The following TEAD4 variants were observed in gnomAD, a reference collection of about 807,000 sequenced individuals.
The protein encoded by TEAD4 is TEA domain transcription factor 4, also known as transcriptional enhancer factor TEF-3.
A neutral mutation model predicts 52.4 loss-of-function variants in TEAD4; 36 were observed. The observed-to-expected ratio is 0.69, with a 90% CI of 0.53 to 0.91. The LOEUF (loss-of-function observed/expected upper bound fraction) is 0.91. Ranked by LOEUF, TEAD4 falls within the 40% of genes least tolerant of loss-of-function variation. The pLI is 0.00. For missense variants in TEAD4, 508 were observed against 583.9 expected (o/e 0.87, Z 1.34); for synonymous variants, 220 against 231.0 (o/e 0.95, Z 0.43).
At chr12:2,988,409 C>T (rs1240457939) in intron 2 of TEAD4, among the ~76,000 whole-genome samples, 1 of 150,086 alleles carries the variant, frequency 6.7e-6, no homozygotes, top group African/African-American at 2.5e-5. Context: ...ATCCCAGCTA[C>T]TTGGGAGGCT....
At chr12:2,999,349 CG>C (rs1046815305) in intron 3 of TEAD4, among the ~76,000 whole-genome samples, 1 of 152,134 alleles carries the variant, frequency 6.6e-6, no homozygotes, top group Non-Finnish European at 1.5e-5. Flanking sequence ...TGGGCCGGCC[CG>C]GTGGGGTATG....
intron 10 of TEAD4, among the ~76,000 whole-genome samples, chr12:3,023,791 A>AAAAG (rs2098270308): frequency 9.2e-5 from 1 of 10,814 alleles, no homozygotes; most frequent in African/African-American, 1.0e-4. Flanking sequence ...AGACTGTCTC[A>AAAAG]AAAAAAAAAA....
chr12:3,031,274 C>T lies in TEAD4; in HGVS notation c.898-6694C>T, dbSNP rs375057886. ...CTGTCCAGGCTCAGCCCTGACTCAG[C>T]GGAAGGAGCTTAGGCGAGCTGATCT... On this transcript the variant is annotated intron_variant, in intron 10 of 12. Coordinates refer to ENST00000359864, the MANE Select transcript of TEAD4 (RefSeq NM_003213.4). 5.3e-5 allele frequency among the ~76,000 whole-genome samples: 8 copies of T among 152,260 alleles called. No individual in the cohort carries two copies. In the East Asian group the frequency reaches 5.8e-4, roughly 11 times the overall value.
chr12:3,024,712 A>G (rs2098270969), intron 10 of TEAD4, among the ~76,000 whole-genome samples: 1 of 152,152 alleles, frequency 6.6e-6, no homozygotes, highest in South Asian at 2.1e-4. Flanking sequence ...GGGTATTATG[A>G]TTACATTTTT....
intron 3 of TEAD4, among the ~76,000 whole-genome samples, chr12:3,009,589 G>T (rs779276124): frequency 2.6e-5 from 4 of 152,206 alleles, no homozygotes; most frequent in African/African-American, 9.6e-5. Flanking sequence ...TTCACCCACC[G>T]GTGATGACTT....
intron 2 of TEAD4, among the ~76,000 whole-genome samples, chr12:2,970,961 C>T (rs1434030770): frequency 6.6e-6 from 1 of 152,226 alleles, no homozygotes; most frequent in Non-Finnish European, 1.5e-5. Context: ...CAGTGCCTCC[C>T]ATACCTCCTC....
In TEAD4 at chr12:2,973,627, C is replaced by G. The variant is rs575801773; in HGVS notation, c.-30+13587C>G. ...GAGTCACGGGGCCTTCCAAGAAGCT[C>G]TGTTCCTGGCGTAGAGCATGGTTCA... On this transcript the variant is annotated intron_variant, in intron 2 of 12. Transcript: ENST00000359864. Among the ~76,000 whole-genome samples the G allele has an allele frequency of 3.3e-5, 5 of 152,298 alleles. No homozygotes were observed. In the South Asian group the frequency reaches 6.2e-4, roughly 19 times the overall value.
intron 10 of TEAD4, among the ~76,000 whole-genome samples, chr12:3,026,616 G>A (rs547458921): frequency 5.3e-5 from 8 of 152,340 alleles, no homozygotes; most frequent in South Asian, 2.1e-4. Flanking sequence ...GCATCTTGCC[G>A]TAAGGAACCC....
In TEAD4 at chr12:3,038,025, C is replaced by T; in HGVS notation, c.955C>T (p.Gln319Ter). 6.2e-7 allele frequency: 1 copy of T among 1,614,180 alleles called. No individual in the cohort carries two copies. Among genetic ancestry groups the T allele is most frequent in the Non-Finnish European group, 8.5e-7 (1 of 1,180,004 alleles). The change falls in exon 11 of 13, where the codon CAG (glutamine) becomes TAG (stop). Residue 319 changes from glutamine (Q) to a stop codon, truncating the protein, a stop_gained. Transcript: ENST00000359864. LOFTEE classifies it high-confidence loss of function. The stretch of plus-strand genomic sequence containing the variant: ...CAGCTCCTTCTATGGGGTCTCCAGC[C>T]AGTATGAGAGCCCCGAGAACATGAT...
chr12:2,962,254 G>A (rs1323871458), intron 2 of TEAD4, among the ~76,000 whole-genome samples: 2 of 119,496 alleles, frequency 1.7e-5, no homozygotes, highest in Admixed American at 8.9e-5. Context: ...CCTCCCGGCC[G>A]GCTAGTTTCA....
At chr12:3,023,621 AC>A (rs2098270136) in intron 10 of TEAD4, among the ~76,000 whole-genome samples, 1 of 149,646 alleles carries the variant, frequency 6.7e-6, no homozygotes, top group African/African-American at 2.5e-5. Context: ...CCCTATCTCT[AC>A]TTAAAAAAAA....
At chr12:3,005,172 T>C (rs543462538) in intron 3 of TEAD4, among the ~76,000 whole-genome samples, 5 of 152,356 alleles carry the variant, frequency 3.3e-5, no homozygotes, top group African/African-American at 1.2e-4. Context: ...ACAGTGGTGC[T>C]CACAGCAGCA....
chr12:2,968,384 C>CTTTT, intron 2 of TEAD4, among the ~76,000 whole-genome samples: 1 of 86,332 alleles, frequency 1.2e-5, no homozygotes, highest in African/African-American at 5.5e-5. Context: ...CCGCGCCCGG[C>CTTTT]CTTTTTTTTT....
chr12:2,986,721 A>G (rs1040634754), intron 2 of TEAD4, among the ~76,000 whole-genome samples: 6 of 152,194 alleles, frequency 3.9e-5, no homozygotes, highest in Non-Finnish European at 1.5e-5. Context: ...ATAGTTAACC[A>G]GTAACACAGT....
At chr12:3,029,232 A>C (rs2098273929) in intron 10 of TEAD4, among the ~76,000 whole-genome samples, 1 of 57,906 alleles carries the variant, frequency 1.7e-5, no homozygotes, top group South Asian at 8.5e-4. Context: ...ACGCCTGGCC[A>C]ATTTTTTTTT....
intron 2 of TEAD4, among the ~76,000 whole-genome samples, chr12:2,962,349 T>TTTTTGAGATGGAG (rs2098216511): frequency 6.9e-6 from 1 of 144,474 alleles, no homozygotes; most frequent in Admixed American, 7.1e-5. Context: ...TATATATATT[T>TTTTTGAGATGGAG]TTTGAGATGG....
chr12:2,988,561 CA>C (rs2098240578), intron 2 of TEAD4, among the ~76,000 whole-genome samples: 1 of 150,454 alleles, frequency 6.6e-6, no homozygotes, highest in Non-Finnish European at 1.5e-5. Context: ...TCCTGCCATA[CA>C]ACTCCTAAAA....
chr12:3,001,389 A>G (rs1487676355), intron 3 of TEAD4, among the ~76,000 whole-genome samples: 1 of 152,192 alleles, frequency 6.6e-6, no homozygotes, highest in African/African-American at 2.4e-5. Context: ...CCATTAAACA[A>G]TAATTCCCCA....
Position 3,016,965 on chromosome 12 carries a change from G to A in TEAD4, c.355-433G>A, listed in dbSNP as rs111842399. ...ACTGAGGCAGGAGGGGCCACAGGAG[G>A]TGGTCTCTTGCCTCCAGACAGCCCG... On this transcript the variant is annotated intron_variant, in intron 5 of 12. Coordinates refer to ENST00000359864, the MANE Select transcript of TEAD4 (RefSeq NM_003213.4). 2,345 of 401,410 alleles carry A rather than the reference G, an allele frequency of 5.8e-3. 49 individuals carry two copies. The highest frequency in any genetic ancestry group is 0.045 in the African/African-American group (2,177 of 48,674). 24.9% of individuals were successfully genotyped at this position (401,410 alleles called of 1,614,324 possible). A position where few individuals can be genotyped will look rare whatever the true frequency, so the allele number is the denominator to read the frequency against.
Sources: allele counts gnomAD v4.1 joint callset (sites outside exome capture counted in the v4.1 genomes callset), GRCh38; gene constraint gnomAD v4.1.1; transcripts MANE v1.5; gene names NCBI Gene and HGNC (gene_info 2026-07-23, HGNC 2026-07-21).